The following LAMA3 variants were observed in gnomAD, a reference collection of about 807,000 sequenced individuals.
LAMA3 encodes laminin subunit alpha-3.
Under a neutral mutation model 402.0 loss-of-function variants are expected in LAMA3, and 281 were observed. The observed-to-expected ratio is 0.70, with a 90% CI of 0.63 to 0.77. LAMA3 has a LOEUF of 0.77. Among genes scored for constraint, LAMA3 ranks in the 30% least tolerant of loss-of-function variants. The probability of loss-of-function intolerance (pLI) is 0.00; values close to 1 mark genes in which losing one functional copy is unlikely to be tolerated. For synonymous variants in LAMA3, 1,431 were observed against 1,558.4 expected, an observed-to-expected ratio of 0.92 and a Z score of 1.93; for missense variants, 3,840 against 4,215.5, an observed-to-expected ratio of 0.91 and a Z score of 2.47.
chr18:23,768,947 T>C (rs774559789), intron 8 of LAMA3, among the ~76,000 whole-genome samples: 5 of 152,060 alleles, frequency 3.3e-5, no homozygotes, highest in Admixed American at 1.3e-4. Context: ...TGGGTACTCA[T>C]GGACATAAAG....
chr18:23,883,614 C>G (rs574325348), intron 40 of LAMA3, among the ~76,000 whole-genome samples: 2 of 152,234 alleles, frequency 1.3e-5, no homozygotes, highest in South Asian at 4.1e-4. Flanking sequence ...GAATGCTCAC[C>G]CTGCTTTGCT....
chr18:23,804,529 G>A (rs576341300), intron 12 of LAMA3, among the ~76,000 whole-genome samples: 6 of 152,304 alleles, frequency 3.9e-5, no homozygotes, highest in African/African-American at 1.4e-4. Flanking sequence ...TTAGCATAAT[G>A]TCCTCAATGT....
intron 36 of LAMA3, among the ~76,000 whole-genome samples, chr18:23,867,093 A>G (rs971351709): frequency 2.6e-5 from 4 of 151,868 alleles, no homozygotes; most frequent in African/African-American, 9.7e-5. Flanking sequence ...CAGCAGGGGA[A>G]TTTTTCGCTC....
At position 23,934,028 on chromosome 18, in the gene LAMA3, C is replaced by A. The variant is rs1358457480; in HGVS notation, c.8862+93C>A. 4 of 1,196,358 alleles carry A rather than the reference C, an allele frequency of 3.3e-6. No homozygotes were observed. The Admixed American group carries it at 6.7e-5, about 20-fold the overall frequency. 74.1% of individuals were successfully genotyped at this position (1,196,358 alleles called of 1,614,324 possible). ...GAGATATTGGGGAAGGGGGTGAGAG[C>A]TCACCAGTCCATAAAGTGGGATTGA... On this transcript the variant is annotated intron_variant, in intron 67 of 74. Transcript: ENST00000313654.
chr18:23,812,935 T>G, intron 13 of LAMA3, 122 bp from the exon 14 acceptor site: 1 of 712,576 alleles, frequency 1.4e-6, no homozygotes. Flanking sequence ...TTGCCACACA[T>G]CTATCGAAAA....
At chr18:23,833,342 G>A (rs185390708) in intron 23 of LAMA3, among the ~76,000 whole-genome samples, 10 of 152,134 alleles carry the variant, frequency 6.6e-5, no homozygotes, top group South Asian at 2.1e-4. Flanking sequence ...TCCCAGGAGC[G>A]AGATGTGTGT....
At chr18:23,764,762 T>C (rs1167742889) in intron 8 of LAMA3, among the ~76,000 whole-genome samples, 1 of 152,186 alleles carries the variant, frequency 6.6e-6, no homozygotes, top group Non-Finnish European at 1.5e-5. Flanking sequence ...AAATTTACCA[T>C]TTTAACCATT....
At chr18:23,954,319 G>A (rs1431926402) in intron 74 of LAMA3, among the ~76,000 whole-genome samples, 184 bp from the exon 75 acceptor site, 2 of 149,056 alleles carry the variant, frequency 1.3e-5, no homozygotes, top group Admixed American at 1.4e-4. Flanking sequence ...TGAGGATTGT[G>A]TGAGCCCAGG....
chr18:23,783,869 C>T (rs2062486758), intron 11 of LAMA3, among the ~76,000 whole-genome samples, 154 bp from the exon 12 acceptor site: 1 of 151,558 alleles, frequency 6.6e-6, no homozygotes, highest in Non-Finnish European at 1.5e-5. Flanking sequence ...TAAAAATTTC[C>T]CTTCAACGCA....
chr18:23,953,312 A>G (rs894758713), intron 74 of LAMA3, among the ~76,000 whole-genome samples: 1 of 147,604 alleles, frequency 6.8e-6, no homozygotes, highest in African/African-American at 2.5e-5. Flanking sequence ...CCTTGCCCCA[A>G]GCCTGTAATT....
rs2062490907 is a variant in LAMA3 at position 23,784,065 on chromosome 18, A to G, written c.1511A>G (p.Asp504Gly). Residue 504 changes from aspartate to glycine, a missense_variant, in exon 12 of 75, where the codon GAT becomes GGT. Physicochemically the swap from Asp to Gly is moderately conservative, Grantham distance 94. Coordinates refer to ENST00000313654, the MANE Select transcript of LAMA3 (RefSeq NM_198129.4). ...NLEGVLPEIC[D>G]AHGRCLCRPG... is the part of the protein sequence containing the mutation. ...GAAGGTGTTCTCCCTGAAATATGTGATGCCCACGGACGGTGCCTGTGCCGC... is the reference window on the plus strand; with the variant it reads ...GAAGGTGTTCTCCCTGAAATATGTGGTGCCCACGGACGGTGCCTGTGCCGC... 1.9e-6 allele frequency: 3 copies of G among 1,613,966 alleles called. No homozygotes were observed. Among genetic ancestry groups the G allele is most frequent in the Non-Finnish European group, 2.5e-6 (3 of 1,180,014 alleles).
chr18:23,709,768 C>CTTT (rs1245838225), intron 1 of LAMA3: 2 of 578,776 alleles, frequency 3.5e-6, no homozygotes, highest in Non-Finnish European at 6.5e-6. Flanking sequence ...GTTTGATTGT[C>CTTT]TTTTCTTTCT....
chr18:23,812,700 A>G (rs2063097982), intron 13 of LAMA3, among the ~76,000 whole-genome samples: 1 of 152,244 alleles, frequency 6.6e-6, no homozygotes, highest in Non-Finnish European at 1.5e-5. Context: ...CGTCTTTTAA[A>G]TGGGCAATTA....
chr18:23,806,651 T>C (rs748226913), intron 12 of LAMA3, among the ~76,000 whole-genome samples: 1 of 152,222 alleles, frequency 6.6e-6, no homozygotes, highest in Non-Finnish European at 1.5e-5. Flanking sequence ...AAAGCAATTT[T>C]CAAAGTCCTA....
intron 34 of LAMA3, 72 bp from the exon 35 acceptor site, chr18:23,861,574 A>C: frequency 6.4e-7 from 1 of 1,555,348 alleles, no homozygotes; most frequent in Non-Finnish European, 8.9e-7. Context: ...TCTGTAGTAC[A>C]TCATGCACCC....
At chr18:23,738,427 A>G (rs1349532997) in intron 2 of LAMA3, among the ~76,000 whole-genome samples, 1 of 152,138 alleles carries the variant, frequency 6.6e-6, no homozygotes, top group East Asian at 1.9e-4. Flanking sequence ...AGACTTGGGA[A>G]AGTAAAGGAA....
chr18:23,881,652 C>T (rs1242220254), intron 39 of LAMA3, among the ~76,000 whole-genome samples: 1 of 152,142 alleles, frequency 6.6e-6, no homozygotes, highest in Non-Finnish European at 1.5e-5. Flanking sequence ...CCCAGGGCTC[C>T]GTGGCCTTGA....
chr18:23,934,160 A>G (rs905990375), intron 67 of LAMA3, among the ~76,000 whole-genome samples: 4 of 152,204 alleles, frequency 2.6e-5, no homozygotes, highest in African/African-American at 9.7e-5. Context: ...CACAGAACAG[A>G]ACCATGACTT....
intron 2 of LAMA3, among the ~76,000 whole-genome samples, chr18:23,737,998 G>A (rs987459645): frequency 2.0e-5 from 3 of 152,164 alleles, no homozygotes. Context: ...TGGAAGTGCC[G>A]TGCCTCCAGG....
Sources: allele counts gnomAD v4.1 joint callset (sites outside exome capture counted in the v4.1 genomes callset), GRCh38; gene constraint gnomAD v4.1.1; transcripts MANE v1.5; gene names NCBI Gene and HGNC (gene_info 2026-07-23, HGNC 2026-07-21).